The following IGSF5 variants were observed in gnomAD, a reference collection of about 807,000 sequenced individuals.
The protein encoded by IGSF5 is immunoglobulin superfamily 5 like.
In IGSF5, 41 loss-of-function variants were observed where a neutral mutation model predicts 39.4. That is an observed-to-expected ratio of 1.04 (90% CI 0.81 to 1.35). The LOEUF (loss-of-function observed/expected upper bound fraction) is 1.35. Among genes scored for constraint, IGSF5 ranks in the 40% most tolerant of loss-of-function variants. The pLI is 0.00. For synonymous variants in IGSF5, 183 were observed against 175.3 expected (o/e 1.04, Z -0.34); for missense variants, 487 against 494.6 (o/e 0.98, Z 0.15).
At chr21:39,742,897 T>G (rs2079954333), upstream of IGSF5, among the ~76,000 whole-genome samples, 1 of 152,110 alleles carries the variant, frequency 6.6e-6, no homozygotes, top group Non-Finnish European at 1.5e-5. Context: ...AAGACAGACT[T>G]TTGAAGTTTT....
intron 8 of IGSF5, among the ~76,000 whole-genome samples, chr21:39,800,378 T>A (rs1232841064): frequency 2.0e-5 from 3 of 152,100 alleles, no homozygotes; most frequent in Non-Finnish European, 4.4e-5. Context: ...CAGAAATACA[T>A]ACTTGATAAA....
chr21:39,789,252 C>G (rs1009466543), intron 6 of IGSF5, among the ~76,000 whole-genome samples: 2 of 152,138 alleles, frequency 1.3e-5, no homozygotes, highest in Non-Finnish European at 2.9e-5. Flanking sequence ...GTAAAGTGAT[C>G]AATAGCTACT....
chr21:39,726,341 G>A, the IGSF5 span, among the ~76,000 whole-genome samples: 2 of 152,216 alleles, frequency 1.3e-5, no homozygotes, highest in Non-Finnish European at 2.9e-5. Flanking sequence ...CCTGGGAGAA[G>A]AAAGATTGGA....
At chr21:39,781,272 A>G (rs995999805) in intron 5 of IGSF5, among the ~76,000 whole-genome samples, 3 of 152,118 alleles carry the variant, frequency 2.0e-5, no homozygotes, top group Non-Finnish European at 4.4e-5. Flanking sequence ...CTTACAGTAT[A>G]TCCTGGAAAT....
intron 8 of IGSF5, among the ~76,000 whole-genome samples, chr21:39,796,441 C>G (rs971695248): frequency 6.6e-6 from 1 of 152,184 alleles, no homozygotes; most frequent in African/African-American, 2.4e-5. Context: ...TGCAGTCGTG[C>G]CTTCTTTTCT....
At chr21:39,727,458 C>G in the IGSF5 span, among the ~76,000 whole-genome samples, 3 of 152,128 alleles carry the variant, frequency 2.0e-5, no homozygotes, top group African/African-American at 7.2e-5. Flanking sequence ...CTGGTGCTTC[C>G]AAGTCTGGGG....
At chr21:39,734,372 G>A in the IGSF5 span, among the ~76,000 whole-genome samples, 18 of 147,758 alleles carry the variant, frequency 1.2e-4, no homozygotes, top group Admixed American at 6.8e-4. Context: ...GTAGTGAGCC[G>A]AGATCATGCC....
intron 6 of IGSF5, among the ~76,000 whole-genome samples, chr21:39,788,878 A>G (rs541906737): frequency 1.3e-5 from 2 of 152,342 alleles, no homozygotes; most frequent in Admixed American, 1.3e-4. Flanking sequence ...TGTAGTTATC[A>G]GTATTTTATT....
chr21:39,752,735 C>G (rs912902273), intron 2 of IGSF5, among the ~76,000 whole-genome samples: 7 of 152,188 alleles, frequency 4.6e-5, no homozygotes, highest in African/African-American at 1.7e-4. Context: ...TTTTAACTTG[C>G]ACTTCCCTGA....
intron 5 of IGSF5, among the ~76,000 whole-genome samples, chr21:39,787,845 T>C (rs572540046): frequency 6.6e-6 from 1 of 152,286 alleles, no homozygotes; most frequent in East Asian, 1.9e-4. Context: ...TTATGGAGTC[T>C]GTATAGTCTC....
intron 5 of IGSF5, among the ~76,000 whole-genome samples, chr21:39,784,359 C>T (rs1039610212): frequency 2.6e-5 from 4 of 152,134 alleles, no homozygotes; most frequent in Admixed American, 6.5e-5. Flanking sequence ...ATTTGTACAT[C>T]CTGGTTCCCT....
intron 2 of IGSF5, among the ~76,000 whole-genome samples, chr21:39,748,299 A>ATTTTTTTTT (rs1569246431): frequency 9.1e-5 from 4 of 43,746 alleles, no homozygotes; most frequent in Non-Finnish European, 1.8e-4. Flanking sequence ...AGAAAACAAG[A>ATTTTTTTTT]TCTTTTTTTT....
chr21:39,789,879 A>C (rs2086952592), intron 6 of IGSF5, among the ~76,000 whole-genome samples: 1 of 152,192 alleles, frequency 6.6e-6, no homozygotes, highest in Non-Finnish European at 1.5e-5. Flanking sequence ...CATTCTGAAG[A>C]TTATTTCTGT....
At chr21:39,730,653 C>G in the IGSF5 span, 1 of 152,308 alleles carries the variant, frequency 6.6e-6, no homozygotes, top group South Asian at 2.1e-4. Flanking sequence ...ATTTCTCGGC[C>G]ATGCACACCT....
the IGSF5 span, among the ~76,000 whole-genome samples, chr21:39,714,198 C>CAGAG: frequency 6.6e-6 from 1 of 152,230 alleles, no homozygotes; most frequent in East Asian, 1.9e-4. Context: ...GGCTCAGCAG[C>CAGAG]TGTGCTTGGG....
At chr21:39,766,414 T>C (rs1232925947) in intron 3 of IGSF5, among the ~76,000 whole-genome samples, 1 of 152,200 alleles carries the variant, frequency 6.6e-6, no homozygotes, top group Admixed American at 6.5e-5. Context: ...TTTTTCCATA[T>C]ACATGACTAT....
chr21:39,778,549 T>C (rs539478895), intron 4 of IGSF5, among the ~76,000 whole-genome samples: 1 of 152,230 alleles, frequency 6.6e-6, no homozygotes, highest in South Asian at 2.1e-4. Context: ...GTGTGAGGAA[T>C]TAATTTGAGG....
chr21:39,733,755 C>G, the IGSF5 span, among the ~76,000 whole-genome samples: 1 of 152,232 alleles, frequency 6.6e-6, no homozygotes, highest in Non-Finnish European at 1.5e-5. Flanking sequence ...ATGAATCTTC[C>G]TTGCCTCTTC....
intron 2 of IGSF5, among the ~76,000 whole-genome samples, chr21:39,757,910 C>T (rs982565433): frequency 6.6e-6 from 1 of 152,160 alleles, no homozygotes; most frequent in Non-Finnish European, 1.5e-5. Flanking sequence ...TGAGGCTGCC[C>T]CTGTCCACAC....
Sources: allele counts gnomAD v4.1 joint callset (sites outside exome capture counted in the v4.1 genomes callset), GRCh38; gene constraint gnomAD v4.1.1; transcripts MANE v1.5; gene names NCBI Gene and HGNC (gene_info 2026-07-23, HGNC 2026-07-21).